Variants in RSU1 observed in about 807,000 individuals in gnomAD.
RSU1 encodes the protein Ras suppressor protein 1, also known as rsu-1.
RSU1 carries 26 observed loss-of-function variants against 31.1 expected under a neutral mutation model. That is an observed-to-expected ratio of 0.84 (90% CI 0.61 to 1.16). The LOEUF is 1.16. Ranked by LOEUF, RSU1 falls within the 50% of genes most tolerant of loss-of-function variation. The pLI, the probability that RSU1 is intolerant of heterozygous loss-of-function variation, is 0.00. For synonymous variants in RSU1, 164 were observed against 136.3 expected, an observed-to-expected ratio of 1.20 and a Z score of -1.41; for missense variants, 320 against 339.1, an observed-to-expected ratio of 0.94 and a Z score of 0.44.
intron 7 of RSU1, among the ~76,000 whole-genome samples, chr10:16,719,202 G>A (rs1476233230): frequency 1.3e-5 from 2 of 151,990 alleles, no homozygotes; most frequent in Admixed American, 1.3e-4. Context: ...CAGCTACTCA[G>A]GAGGCTGAGG....
intron 7 of RSU1, among the ~76,000 whole-genome samples, chr10:16,743,965 T>C: frequency 6.6e-6 from 1 of 151,630 alleles, no homozygotes; most frequent in East Asian, 1.9e-4. Flanking sequence ...ACTCAATCTC[T>C]AAAAAAGTTA....
intron 7 of RSU1, among the ~76,000 whole-genome samples, chr10:16,712,314 T>C (rs1836037411): frequency 6.6e-6 from 1 of 152,198 alleles, no homozygotes; most frequent in Admixed American, 6.5e-5. Flanking sequence ...TTTGAGACTT[T>C]AATCCATTTA....
Position 16,786,123 on chromosome 10 carries a change from G to A in RSU1, c.110-4039C>T, listed in dbSNP as rs75006772. Among the ~76,000 whole-genome samples the A allele has an allele frequency of 6.7e-3, 1,026 of 152,212 alleles. 12 individuals are homozygous for A. The highest frequency in any genetic ancestry group is 0.023 in the African/African-American group (960 of 41,514). On this transcript the variant is annotated intron_variant, in intron 2 of 8. Coordinates refer to ENST00000345264, the MANE Select transcript of RSU1 (RefSeq NM_012425.4). ...CACTGGTGTAGTGGGTGGAAGCCAG[G>A]GATGCTGACACACATCCTACATCAC... is the stretch of plus-strand genomic sequence containing the variant.
At chr10:16,594,747 TAA>T (rs1207165690) in intron 8 of RSU1, among the ~76,000 whole-genome samples, 1 of 145,548 alleles carries the variant, frequency 6.9e-6, no homozygotes, top group South Asian at 2.1e-4. Context: ...ATATATCATA[TAA>T]AATATACTAT....
chr10:16,660,563 C>T (rs778199853), intron 8 of RSU1, among the ~76,000 whole-genome samples: 2 of 151,108 alleles, frequency 1.3e-5, no homozygotes, highest in African/African-American at 2.4e-5. Context: ...GTCTTACTCT[C>T]TCTTTACTGT....
chr10:16,765,822 G>A (rs1368270598), intron 3 of RSU1, among the ~76,000 whole-genome samples: 1 of 152,206 alleles, frequency 6.6e-6, no homozygotes, highest in African/African-American at 2.4e-5. Context: ...GGGTGCCCCA[G>A]GAGGCTGGGA....
intron 2 of RSU1, among the ~76,000 whole-genome samples, chr10:16,791,726 T>G (rs1414726114): frequency 6.6e-6 from 1 of 152,052 alleles, no homozygotes; most frequent in Non-Finnish European, 1.5e-5. Flanking sequence ...GGTATCAGTA[T>G]TTGAAATAGG....
intron 8 of RSU1, among the ~76,000 whole-genome samples, chr10:16,615,717 T>A (rs1833964039): frequency 6.6e-6 from 1 of 152,152 alleles, no homozygotes; most frequent in Non-Finnish European, 1.5e-5. Context: ...AACTTGGGAT[T>A]AAGAAACACT....
At chr10:16,613,308 A>C (rs546723515) in intron 8 of RSU1, among the ~76,000 whole-genome samples, 6 of 152,312 alleles carry the variant, frequency 3.9e-5, no homozygotes, top group African/African-American at 1.4e-4. Flanking sequence ...TGCTCCTGGA[A>C]TTGCTTGTAA....
At position 16,593,141 on chromosome 10, in the gene RSU1, G is replaced by A. The variant is rs905543648; in HGVS notation, c.*253C>T. The A allele has an allele frequency of 2.1e-5, 10 of 487,256 alleles. No individual in the cohort carries two copies. Among genetic ancestry groups the A allele is most frequent in the Non-Finnish European group, 2.9e-5 (9 of 309,538 alleles). 30.2% of individuals were successfully genotyped at this position (487,256 alleles called of 1,614,324 possible). A position where few individuals can be genotyped will look rare whatever the true frequency, so the allele number is the denominator to read the frequency against. The stretch of plus-strand genomic sequence containing the variant: ...GCCAGAGCCCACTATGGAATTCGCA[G>A]TTGAATAAGAGCTTTGTTCCCTGCT... On this transcript the variant is annotated 3_prime_UTR_variant, in exon 9 of 9. Coordinates refer to ENST00000345264, the MANE Select transcript of RSU1 (RefSeq NM_012425.4).
chr10:16,722,497 G>A (rs558832315), intron 7 of RSU1, among the ~76,000 whole-genome samples: 1 of 152,272 alleles, frequency 6.6e-6, no homozygotes, highest in Non-Finnish European at 1.5e-5. Context: ...GTTACAATGT[G>A]AGGTGCCTCT....
chr10:16,794,522 A>T (rs886110514), intron 2 of RSU1, among the ~76,000 whole-genome samples: 2 of 152,326 alleles, frequency 1.3e-5, no homozygotes, highest in Non-Finnish European at 2.9e-5. Flanking sequence ...GTAACACAAA[A>T]CTTATGCAGT....
chr10:16,704,672 C>CAA (rs1835859421), intron 7 of RSU1, among the ~76,000 whole-genome samples: 1 of 152,222 alleles, frequency 6.6e-6, no homozygotes, highest in Admixed American at 6.5e-5. Flanking sequence ...GCTGAAAGCC[C>CAA]TATTACCTGC....
At chr10:16,688,034 G>T (rs73604803) in intron 8 of RSU1, among the ~76,000 whole-genome samples, 3,783 of 152,118 alleles carry the variant, frequency 0.025, 129 homozygotes, top group East Asian at 0.1. Context: ...TCAAAAGTTA[G>T]TATTACATAT....
At chr10:16,805,215 A>T (rs750613055) in intron 2 of RSU1, among the ~76,000 whole-genome samples, 18 of 152,056 alleles carry the variant, frequency 1.2e-4, no homozygotes, top group African/African-American at 4.1e-4. Context: ...TCAAATAATA[A>T]TAATAATAAT....
At chr10:16,723,931 G>A (rs1211498283) in intron 7 of RSU1, among the ~76,000 whole-genome samples, 3 of 152,106 alleles carry the variant, frequency 2.0e-5, no homozygotes, top group Non-Finnish European at 4.4e-5. Context: ...GCTAATTTAT[G>A]AGACATGCCT....
chr10:16,816,834 A>G (rs540312858), intron 2 of RSU1, 139 bp downstream of exon 2: 4 of 632,014 alleles, frequency 6.3e-6, no homozygotes, highest in African/African-American at 3.6e-5. Context: ...CCTCTGCGCG[A>G]AGCCCCTGAC....
chr10:16,596,414 T>C (rs1205418209), intron 8 of RSU1, among the ~76,000 whole-genome samples: 1 of 152,192 alleles, frequency 6.6e-6, no homozygotes, highest in Non-Finnish European at 1.5e-5. Context: ...CGTACTCCTC[T>C]AACAGCACCT....
chr10:16,666,482 CAG>C (rs1422130528), intron 8 of RSU1, among the ~76,000 whole-genome samples: 2 of 152,190 alleles, frequency 1.3e-5, no homozygotes, highest in Admixed American at 6.5e-5. Flanking sequence ...GATGCTGGTT[CAG>C]AGAGTTATCT....
Sources: allele counts gnomAD v4.1 joint callset (sites outside exome capture counted in the v4.1 genomes callset), GRCh38; gene constraint gnomAD v4.1.1; transcripts MANE v1.5; gene names NCBI Gene and HGNC (gene_info 2026-07-23, HGNC 2026-07-21).